Variants in TRIM2 observed in about 807,000 individuals in gnomAD.
The protein encoded by TRIM2 is tripartite motif containing 2, also known as tripartite motif-containing protein 2.
A neutral mutation model predicts 75.2 loss-of-function variants in TRIM2; 20 were observed. The observed-to-expected ratio is 0.27, with a 90% CI of 0.19 to 0.39. The LOEUF is 0.39. Ranked by LOEUF, TRIM2 falls within the 10% of genes least tolerant of loss-of-function variation. TRIM2 has a pLI of 1.00. For synonymous variants in TRIM2, 373 were observed against 388.3 expected, an observed-to-expected ratio of 0.96 and a Z score of 0.46; for missense variants, 660 against 990.8, an observed-to-expected ratio of 0.67 and a Z score of 4.48.
chr4:153,244,781 C>G (rs1748673785), intron 1 of TRIM2, among the ~76,000 whole-genome samples: 1 of 152,056 alleles, frequency 6.6e-6, no homozygotes, highest in Admixed American at 6.6e-5. Context: ...GAAAGTAAAA[C>G]ATAACATCCT....
chr4:153,251,504 TG>T (rs1367426635), intron 1 of TRIM2, among the ~76,000 whole-genome samples: 6 of 152,254 alleles, frequency 3.9e-5, no homozygotes, highest in African/African-American at 1.4e-4. Context: ...TTTTTATGTT[TG>T]TTTTTCTTTA....
chr4:153,230,600 ATGGGG>A (rs1364422270), intron 1 of TRIM2, among the ~76,000 whole-genome samples: 1 of 152,240 alleles, frequency 6.6e-6, no homozygotes, highest in Non-Finnish European at 1.5e-5. Flanking sequence ...AGCTGGAAAT[ATGGGG>A]ACTGTCAGTT....
chr4:153,313,559 C>T (rs1002538514), intron 6 of TRIM2, among the ~76,000 whole-genome samples: 1 of 151,950 alleles, frequency 6.6e-6, no homozygotes. Flanking sequence ...TTAGCCACCA[C>T]CAGTGCATCC....
At chr4:153,267,670 A>G (rs1364505987) in intron 1 of TRIM2, among the ~76,000 whole-genome samples, 1 of 152,160 alleles carries the variant, frequency 6.6e-6, no homozygotes, top group Admixed American at 6.5e-5. Context: ...TAGTAATAAT[A>G]AAGAATAAAG....
chr4:153,244,432 C>CTTCTTCTTCTTCTTCTTCTTCTTCTTCT (rs1560875871), intron 1 of TRIM2, among the ~76,000 whole-genome samples: 2 of 108,470 alleles, frequency 1.8e-5, no homozygotes, highest in East Asian at 2.4e-4. Context: ...TCTTCTTCTT[C>CTTCTTCTTCTTCTTCTTCTTCTTCTTCT]TTCTTTTAAT....
At chr4:153,247,850 TC>T (rs1172760823) in intron 1 of TRIM2, among the ~76,000 whole-genome samples, 3 of 152,040 alleles carry the variant, frequency 2.0e-5, no homozygotes, top group Admixed American at 6.6e-5. Flanking sequence ...GCTTACTGAA[TC>T]CTTAAATGAG....
intron 1 of TRIM2, among the ~76,000 whole-genome samples, chr4:153,191,360 T>C (rs1049563484): frequency 6.6e-6 from 1 of 152,246 alleles, no homozygotes; most frequent in Admixed American, 6.5e-5. Context: ...CAAGATCATA[T>C]AGCACAAACA....
chr4:153,211,247 G>A (rs1204149202), intron 1 of TRIM2, among the ~76,000 whole-genome samples: 1 of 152,160 alleles, frequency 6.6e-6, no homozygotes, highest in Admixed American at 6.5e-5. Flanking sequence ...GCTCTGGACA[G>A]GGCTGGGTGG....
In TRIM2 at chr4:153,338,721, A is replaced by G. The variant is rs1772743303; in HGVS notation, c.*3755A>G. On this transcript the variant is annotated 3_prime_UTR_variant, in exon 12 of 12. Transcript: ENST00000338700. ...GTGGCAGTGATTGGTCTGTTTGTGG[A>G]GAATGTATGAAAGCTATTAATATTC... The G allele has an allele frequency of 3.0e-6, 3 of 985,808 alleles. No individual in the cohort carries two copies. In the African/African-American group the frequency reaches 5.2e-5, roughly 17 times the overall value. 61.1% of individuals were successfully genotyped at this position (985,808 alleles called of 1,614,324 possible).
chr4:153,251,445 T>G (rs1325805175), intron 1 of TRIM2, among the ~76,000 whole-genome samples: 3 of 152,274 alleles, frequency 2.0e-5, no homozygotes, highest in African/African-American at 7.2e-5. Flanking sequence ...AAATAATTAC[T>G]TCTTACCATC....
rs759511141 is a variant in TRIM2, at chr4:153,336,646, C to G, written c.*1680C>G. The G allele has an allele frequency of 2.3e-5, 23 of 985,390 alleles. No homozygotes were observed. Among genetic ancestry groups the G allele is most frequent in the Non-Finnish European group, 2.8e-5 (23 of 829,828 alleles). The allele number at this position is 985,390 out of a possible 1,614,324, so 61.0% of individuals were successfully genotyped here. On this transcript the variant is annotated 3_prime_UTR_variant, in exon 12 of 12. Transcript: ENST00000338700. ...AACTGTACTATAAGAAAACATTTCC[C>G]CTATGTATAATTATATGAATGTGAT...
intron 1 of TRIM2, among the ~76,000 whole-genome samples, chr4:153,159,154 G>A (rs934040364): frequency 2.6e-5 from 4 of 152,072 alleles, no homozygotes; most frequent in African/African-American, 9.7e-5. Context: ...GACATAAAAC[G>A]GAACTGTATC....
intron 8 of TRIM2, among the ~76,000 whole-genome samples, chr4:153,316,712 C>T (rs920689579): frequency 2.0e-5 from 3 of 152,056 alleles, no homozygotes; most frequent in Non-Finnish European, 1.5e-5. Flanking sequence ...AATGTCTTCA[C>T]CTAATTGCCA....
At chr4:153,291,715 TA>T (rs1350262379) in intron 3 of TRIM2, among the ~76,000 whole-genome samples, 3 of 152,174 alleles carry the variant, frequency 2.0e-5, no homozygotes, top group Admixed American at 6.5e-5. Context: ...GTCAGGGTCA[TA>T]TTTTTTTATT....
chr4:153,206,320 T>C (rs1173960012), intron 1 of TRIM2, among the ~76,000 whole-genome samples: 1 of 152,246 alleles, frequency 6.6e-6, no homozygotes, highest in African/African-American at 2.4e-5. Context: ...GATTACAAGC[T>C]GTGTAACTTT....
At chr4:153,275,850 G>T (rs373897688) in intron 2 of TRIM2, 43 bp from the exon 3 acceptor site, 2 of 1,560,014 alleles carry the variant, frequency 1.3e-6, no homozygotes, top group African/African-American at 1.4e-5. Flanking sequence ...AGAAGTGGAG[G>T]TTCTGCACTG....
intron 1 of TRIM2, among the ~76,000 whole-genome samples, chr4:153,227,113 C>T (rs1742343799): frequency 6.6e-6 from 1 of 152,216 alleles, no homozygotes; most frequent in Non-Finnish European, 1.5e-5. Context: ...TGTGGTAGAA[C>T]CCTCTGCAGT....
chr4:153,335,323 T>C lies in TRIM2; in HGVS notation c.*357T>C, dbSNP rs1772330815. 2 of 999,272 alleles carry C rather than the reference T, an allele frequency of 2.0e-6. No individual in the cohort carries two copies. Among genetic ancestry groups the C allele is most frequent in the African/African-American group, 3.5e-5 (2 of 57,804 alleles). The allele number at this position is 999,272 out of a possible 1,614,324, so 61.9% of individuals were successfully genotyped here. On this transcript the variant is annotated 3_prime_UTR_variant, in exon 12 of 12. Coordinates refer to ENST00000338700, the MANE Select transcript of TRIM2 (RefSeq NM_015271.5). ...CGTTAATCCTGTGAATGGTAGCTTT[T>C]GCACAGAACTTCCAAAAGCAAAACA...
chr4:153,315,687 A>T, intron 7 of TRIM2, 99 bp downstream of exon 7: 1 of 1,440,430 alleles, frequency 6.9e-7, no homozygotes, highest in Non-Finnish European at 9.6e-7. Flanking sequence ...TGGTGTAAGG[A>T]AAAAAGCTTA....
Sources: gnomAD v4.1 joint callset for allele counts (sites outside exome capture counted in the v4.1 genomes callset) on GRCh38, gnomAD v4.1.1 for gene constraint, MANE v1.5 for transcripts, NCBI Gene and HGNC (gene_info 2026-07-23, HGNC 2026-07-21) for gene names.